The following BTNL8 variants were observed in gnomAD, a reference collection of about 807,000 sequenced individuals.
BTNL8 encodes butyrophilin-like protein 8.
BTNL8 carries 22 observed loss-of-function variants against 36.1 expected under a neutral mutation model. The observed-to-expected ratio is 0.61, with a 90% CI of 0.44 to 0.87. The LOEUF is 0.87. Among genes scored for constraint, BTNL8 ranks in the 40% least tolerant of loss-of-function variants. BTNL8 has a pLI of 0.00. For missense variants in BTNL8, 526 were observed against 616.9 expected (o/e 0.85, Z 1.56); for synonymous variants, 203 against 235.6 (o/e 0.86, Z 1.27).
At chr5:180,948,549 C>T (rs1296981355) in intron 5 of BTNL8, 174 bp downstream of exon 5, 2 of 1,575,192 alleles carry the variant, frequency 1.3e-6, no homozygotes, top group African/African-American at 2.7e-5. Flanking sequence ...ACCCCTCGGA[C>T]ATCTGGAGGG....
At position 180,900,694 on chromosome 5, in the gene BTNL8, G is replaced by A. The variant is rs141632913; in HGVS notation, c.49+1335G>A. ...TTCCTGCCAGTGATTCGTTGAGCAGGTGATTCTGGGAAACAAAGTGAGGGA... is the reference window on the plus strand; with the variant it reads ...TTCCTGCCAGTGATTCGTTGAGCAGATGATTCTGGGAAACAAAGTGAGGGA... On this transcript the variant is annotated intron_variant, in intron 1 of 7. Coordinates refer to ENST00000340184, the MANE Select transcript of BTNL8 (RefSeq NM_001040462.3). Among the ~76,000 whole-genome samples the A allele has an allele frequency of 2.5e-3, 377 of 152,316 alleles. 2 individuals are homozygous for A. The highest frequency in any genetic ancestry group is 8.8e-3 in the African/African-American group (366 of 41,562).
chr5:180,906,510 T>C (rs1339824045), intron 1 of BTNL8, among the ~76,000 whole-genome samples: 1 of 125,194 alleles, frequency 8.0e-6, no homozygotes, highest in Non-Finnish European at 1.6e-5. Context: ...TTGGAGCATT[T>C]AGTCCATTTA....
chr5:180,901,481 T>C (rs972580966), intron 1 of BTNL8, among the ~76,000 whole-genome samples: 1 of 152,180 alleles, frequency 6.6e-6, no homozygotes, highest in Non-Finnish European at 1.5e-5. Context: ...ATTACTCAAA[T>C]GATTGTTAAA....
At chr5:180,945,949 G>T in intron 3 of BTNL8, 1 of 187,674 alleles carries the variant, frequency 5.3e-6, no homozygotes, top group Non-Finnish European at 1.2e-5. Context: ...TCTACGCAAT[G>T]AAAAACCATG....
At chr5:180,938,689 C>A (rs1443938378) in intron 3 of BTNL8, among the ~76,000 whole-genome samples, 2 of 151,962 alleles carry the variant, frequency 1.3e-5, no homozygotes, top group Non-Finnish European at 2.9e-5. Context: ...AGGCACGCAC[C>A]ACCACACCCA....
intron 3 of BTNL8, among the ~76,000 whole-genome samples, chr5:180,915,002 C>T (rs940425241): frequency 3.9e-5 from 6 of 152,190 alleles, no homozygotes; most frequent in Non-Finnish European, 8.8e-5. Context: ...GGATGCTGCC[C>T]AGGAAACCCA....
At chr5:180,917,609 T>TAA (rs33957731) in intron 3 of BTNL8, among the ~76,000 whole-genome samples, 3 of 151,554 alleles carry the variant, frequency 2.0e-5, no homozygotes, top group South Asian at 2.1e-4. Context: ...CAGAATAATT[T>TAA]AAAAAAAATA....
chr5:180,925,679 A>C lies in BTNL8; in HGVS notation c.673+14065A>C, dbSNP rs145513940. On this transcript the variant is annotated intron_variant, in intron 3 of 7. Transcript: ENST00000340184. The stretch of plus-strand genomic sequence containing the variant: ...GGAGCCCTTTAACTAAAACAAAAGG[A>C]TTATAATAACAAAAACATATGGAAG... Among the ~76,000 whole-genome samples, 18 of 152,316 alleles carry C rather than the reference A, an allele frequency of 1.2e-4. 1 individual carries two copies. Among genetic ancestry groups the C allele is most frequent in the African/African-American group, 1.7e-4 (7 of 41,582 alleles).
chr5:180,923,778 T>C (rs1385391066), intron 3 of BTNL8, among the ~76,000 whole-genome samples: 2 of 152,138 alleles, frequency 1.3e-5, no homozygotes, highest in East Asian at 1.9e-4. Flanking sequence ...ACAAATTCTT[T>C]CAATTTATAC....
chr5:180,916,532 GT>G (rs1757636697), intron 3 of BTNL8, among the ~76,000 whole-genome samples: 3 of 151,968 alleles, frequency 2.0e-5, no homozygotes. Flanking sequence ...AAAACTAAAT[GT>G]TGTTTATTTG....
chr5:180,936,442 A>G (rs1758657030), intron 3 of BTNL8, among the ~76,000 whole-genome samples: 1 of 152,206 alleles, frequency 6.6e-6, no homozygotes, highest in Non-Finnish European at 1.5e-5. Flanking sequence ...ATTTCTATAC[A>G]CTAATGAAAA....
At chr5:180,920,643 A>G (rs1386211352) in intron 3 of BTNL8, among the ~76,000 whole-genome samples, 1 of 152,132 alleles carries the variant, frequency 6.6e-6, no homozygotes, top group East Asian at 1.9e-4. Context: ...GATAATCAAC[A>G]AAATAAAAAG....
chr5:180,909,731 AAGAAGATG>A, intron 2 of BTNL8: 1 of 296,284 alleles, frequency 3.4e-6, no homozygotes, highest in Non-Finnish European at 5.0e-6. Flanking sequence ...AAAAAAAAAA[AAGAAGATG>A]AAAGAAGGAA....
intron 3 of BTNL8, among the ~76,000 whole-genome samples, chr5:180,944,742 A>C (rs993709321): frequency 1.3e-5 from 2 of 152,238 alleles, no homozygotes; most frequent in African/African-American, 4.8e-5. Context: ...TATTGTACAC[A>C]TATATCAAAG....
intron 1 of BTNL8, among the ~76,000 whole-genome samples, chr5:180,906,157 A>G (rs1757074088): frequency 6.8e-6 from 1 of 146,364 alleles, no homozygotes; most frequent in South Asian, 2.1e-4. Flanking sequence ...GTGGGAGTCT[A>G]AGTCTCTTTG....
At chr5:180,933,406 T>A (rs1758499420) in intron 3 of BTNL8, among the ~76,000 whole-genome samples, 1 of 152,190 alleles carries the variant, frequency 6.6e-6, no homozygotes, top group African/African-American at 2.4e-5. Flanking sequence ...TTAGGCCACA[T>A]AAAAAGTTTT....
At chr5:180,943,439 G>A (rs1208531037) in intron 3 of BTNL8, among the ~76,000 whole-genome samples, 1 of 152,016 alleles carries the variant, frequency 6.6e-6, no homozygotes, top group East Asian at 1.9e-4. Context: ...CAGGATGATA[G>A]ACCTTATATA....
At chr5:180,944,509 AGGCT>A (rs1759145241) in intron 3 of BTNL8, among the ~76,000 whole-genome samples, 1 of 148,284 alleles carries the variant, frequency 6.7e-6, no homozygotes, top group Non-Finnish European at 1.5e-5. Flanking sequence ...TGGTTACTAG[AGGCT>A]GGTAAGGGTA....
intron 3 of BTNL8, among the ~76,000 whole-genome samples, chr5:180,929,529 G>C (rs1460850931): frequency 1.3e-5 from 2 of 149,598 alleles, no homozygotes; most frequent in African/African-American, 5.1e-5. Context: ...CCAGGAGGTG[G>C]TTTTTTGAAA....
Sources: gnomAD v4.1 joint callset for allele counts (sites outside exome capture counted in the v4.1 genomes callset) on GRCh38, gnomAD v4.1.1 for gene constraint, MANE v1.5 for transcripts, NCBI Gene and HGNC (gene_info 2026-07-23, HGNC 2026-07-21) for gene names.